Variants in ZNF804B observed in about 807,000 individuals in gnomAD.
ZNF804B encodes the protein zinc finger protein 804B.
In ZNF804B, 80 loss-of-function variants were observed where a neutral mutation model predicts 101.4. That is an observed-to-expected ratio of 0.79 (90% CI 0.66 to 0.95). ZNF804B has a LOEUF of 0.95. Ranked by LOEUF, ZNF804B falls within the 40% of genes least tolerant of loss-of-function variation. The pLI, the probability that ZNF804B is intolerant of heterozygous loss-of-function variation, is 0.00. For synonymous variants in ZNF804B, 622 were observed against 558.8 expected (o/e 1.11, Z -1.59); for missense variants, 1,673 against 1,561.9 (o/e 1.07, Z -1.20).
At position 89,328,954 on chromosome 7, in the gene ZNF804B, G is replaced by GTGATGATGATAATGATGC. The variant is rs986554574; in HGVS notation, c.380+1516_380+1533dup. Among the ~76,000 whole-genome samples the GTGATGATGATAATGATGC allele has an allele frequency of 2.2e-4, 33 of 151,848 alleles. No individual in the cohort carries two copies. The East Asian group carries it at 3.9e-3, about 18-fold the overall frequency. On this transcript the variant is annotated intron_variant, in intron 3 of 3. Transcript: ENST00000333190. Reference sequence around the variant, plus strand: ...GCTGATGGCAGTGGTCATGGTGATGGTGATGATGATAATGATGCTGATGAT... The same window carrying GTGATGATGATAATGATGC: ...GCTGATGGCAGTGGTCATGGTGATGGTGATGATGATAATGATGCTGATGATGATAATGATGCTGATGAT...
intron 1 of ZNF804B, among the ~76,000 whole-genome samples, chr7:89,201,320 T>C (rs142797232): frequency 6.6e-6 from 1 of 151,956 alleles, no homozygotes; most frequent in African/African-American, 2.4e-5. Context: ...AAGCAAAAGA[T>C]TCTATAGAAA....
At chr7:89,302,199 T>A (rs1337604767) in intron 2 of ZNF804B, among the ~76,000 whole-genome samples, 1 of 151,924 alleles carries the variant, frequency 6.6e-6, no homozygotes, top group Non-Finnish European at 1.5e-5. Context: ...AAATATATGA[T>A]AATTTTTTTT....
intron 2 of ZNF804B, among the ~76,000 whole-genome samples, chr7:89,244,250 A>C (rs1373888197): frequency 1.3e-5 from 2 of 152,084 alleles, no homozygotes; most frequent in African/African-American, 4.8e-5. Flanking sequence ...AGAATTTGCT[A>C]TACAGCTTAT....
In ZNF804B at chr7:89,051,657, T is replaced by C. The variant is rs73387059; in HGVS notation, c.109-166498T>C. On this transcript the variant is annotated intron_variant, in intron 1 of 3. Coordinates refer to ENST00000333190, the MANE Select transcript of ZNF804B (RefSeq NM_181646.5). ...ATTTTGAATTTTATTTTGTCAATTA[T>C]GTTTCAGTTAATTCCCTTTAATCTT... Among the ~76,000 whole-genome samples the C allele has an allele frequency of 7.4e-3, 1,125 of 152,288 alleles. 16 individuals are homozygous for C. Among genetic ancestry groups the C allele is most frequent in the African/African-American group, 0.025 (1,030 of 41,576 alleles).
chr7:88,910,256 C>T lies in ZNF804B; in HGVS notation c.108+150172C>T, dbSNP rs558021120. Among the ~76,000 whole-genome samples, 36 of 151,938 alleles carry T rather than the reference C, an allele frequency of 2.4e-4. 1 individual carries two copies. In the East Asian group the frequency reaches 6.6e-3, roughly 28 times the overall value. On this transcript the variant is annotated intron_variant, in intron 1 of 3. Coordinates refer to ENST00000333190, the MANE Select transcript of ZNF804B (RefSeq NM_181646.5). ...CAAAAACTAGGTCACTAATAATGTT[C>T]TCTGTTTCTGAGAGTAATTTCAGAC...
chr7:88,876,070 T>C lies in ZNF804B; in HGVS notation c.108+115986T>C, dbSNP rs573109550. Among the ~76,000 whole-genome samples the C allele has an allele frequency of 1.7e-4, 26 of 152,238 alleles. 1 individual carries two copies. In the South Asian group the frequency reaches 5.4e-3, roughly 32 times the overall value. On this transcript the variant is annotated intron_variant, in intron 1 of 3. Transcript: ENST00000333190. ...ACCAAAGACAAATCCATGATATTTCTATCATGCTTCTTGTACTCTCTTCTC... is the reference window on the plus strand; with the variant it reads ...ACCAAAGACAAATCCATGATATTTCCATCATGCTTCTTGTACTCTCTTCTC...
intron 2 of ZNF804B, among the ~76,000 whole-genome samples, chr7:89,245,544 A>G (rs1284213856): frequency 6.6e-6 from 1 of 152,240 alleles, no homozygotes; most frequent in African/African-American, 2.4e-5. Flanking sequence ...GAAATTTTAC[A>G]TACTTGGAAA....
intron 1 of ZNF804B, among the ~76,000 whole-genome samples, chr7:89,215,156 A>G (rs1193125278): frequency 1.3e-5 from 2 of 152,222 alleles, no homozygotes; most frequent in Non-Finnish European, 2.9e-5. Context: ...AAGAAAGATA[A>G]GAATATCTGC....
intron 1 of ZNF804B, among the ~76,000 whole-genome samples, chr7:89,186,787 C>A (rs1352777754): frequency 2.0e-5 from 3 of 152,030 alleles, no homozygotes; most frequent in Non-Finnish European, 4.4e-5. Flanking sequence ...AAAAAGAAAA[C>A]AAAATACTTG....
At chr7:88,987,952 T>C (rs1157722631) in intron 1 of ZNF804B, among the ~76,000 whole-genome samples, 1 of 152,028 alleles carries the variant, frequency 6.6e-6, no homozygotes, top group East Asian at 1.9e-4. Context: ...TTCTACTCTC[T>C]ACATCCATAA....
intron 1 of ZNF804B, among the ~76,000 whole-genome samples, chr7:88,934,531 A>G (rs931502178): frequency 8.5e-5 from 13 of 152,178 alleles, no homozygotes; most frequent in Admixed American, 2.0e-4. Flanking sequence ...AGAATCTACA[A>G]GGAACTCAAA....
chr7:89,038,261 A>G (rs1770143954), intron 1 of ZNF804B, among the ~76,000 whole-genome samples: 1 of 152,126 alleles, frequency 6.6e-6, no homozygotes, highest in Non-Finnish European at 1.5e-5. Context: ...CATAATGTGT[A>G]TACTAATTTA....
chr7:89,332,941 G>T (rs1791009867), intron 3 of ZNF804B, among the ~76,000 whole-genome samples: 1 of 151,688 alleles, frequency 6.6e-6, no homozygotes, highest in African/African-American at 2.4e-5. Context: ...GCACATAAAA[G>T]CAAATTTAAA....
At chr7:89,211,005 T>C (rs1216456651) in intron 1 of ZNF804B, among the ~76,000 whole-genome samples, 4 of 152,192 alleles carry the variant, frequency 2.6e-5, no homozygotes, top group African/African-American at 9.6e-5. Flanking sequence ...ACAGCAACTG[T>C]TGTTTCTTGA....
chr7:88,848,532 T>G (rs17164751), intron 1 of ZNF804B, among the ~76,000 whole-genome samples: 5,667 of 152,082 alleles, frequency 0.037, 367 homozygotes, highest in African/African-American at 0.13. Flanking sequence ...AGAAACCTTT[T>G]TGCAGATGTA....
At chr7:88,926,462 G>T (rs1792800024) in intron 1 of ZNF804B, among the ~76,000 whole-genome samples, 3 of 151,170 alleles carry the variant, frequency 2.0e-5, no homozygotes, top group Admixed American at 6.6e-5. Flanking sequence ...GGGCGTAGTG[G>T]TGCATGCCTG....
rs751737108 is a variant in ZNF804B, at chr7:89,262,371, A to C, written c.249+44076A>C. On this transcript the variant is annotated intron_variant, in intron 2 of 3. Transcript: ENST00000333190. ...CTGGCAGTTTAGCATAATGGTTAAG[A>C]GCATGCCCTCTTGAGCCTCAGGTCC... Among the ~76,000 whole-genome samples the C allele has an allele frequency of 6.4e-4, 98 of 152,292 alleles. 1 individual carries two copies. Among genetic ancestry groups the C allele is most frequent in the Admixed American group, 1.6e-3 (25 of 15,296 alleles).
intron 1 of ZNF804B, among the ~76,000 whole-genome samples, chr7:88,817,612 C>A (rs1160012766): frequency 6.6e-6 from 1 of 152,070 alleles, no homozygotes; most frequent in Non-Finnish European, 1.5e-5. Flanking sequence ...AGAAGGCTTG[C>A]AAAGGTTGTT....
At chr7:88,773,987 G>A (rs968693233) in intron 1 of ZNF804B, among the ~76,000 whole-genome samples, 4 of 151,882 alleles carry the variant, frequency 2.6e-5, no homozygotes, top group African/African-American at 9.7e-5. Flanking sequence ...TATCCAAACT[G>A]TATCAGTGAC....
Sources: gnomAD v4.1 joint callset for allele counts (sites outside exome capture counted in the v4.1 genomes callset) on GRCh38, gnomAD v4.1.1 for gene constraint, MANE v1.5 for transcripts, NCBI Gene and HGNC (gene_info 2026-07-23, HGNC 2026-07-21) for gene names.